CSNK1G1: variants seen among roughly 807,000 people sequenced by gnomAD.
The protein encoded by CSNK1G1 is casein kinase 1 gamma 1.
Under a neutral mutation model 59.6 loss-of-function variants are expected in CSNK1G1, and 22 were observed. The observed-to-expected ratio is 0.37, with a 90% confidence interval of 0.26 to 0.53. CSNK1G1 has a LOEUF of 0.53. CSNK1G1 is among the 20% of genes least tolerant of loss of function. The pLI is 0.89. For missense variants in CSNK1G1, 384 were observed against 519.5 expected, an observed-to-expected ratio of 0.74 and a Z score of 2.54; for synonymous variants, 179 against 177.1, an observed-to-expected ratio of 1.01 and a Z score of -0.08.
rs770545045 is a variant in CSNK1G1 at position 64,300,509 on chromosome 15, G to A, written c.-10C>T. The A allele has an allele frequency of 6.2e-7, 1 of 1,613,144 alleles. No homozygotes were observed. The highest frequency in any genetic ancestry group is 8.5e-7 in the Non-Finnish European group (1 of 1,179,384). Reference sequence around the variant, plus strand: ...TACTAGGATGGTCCATGATCCTACAGGACAGAGTCTCCTATAGTACAGCAA... The same window carrying A: ...TACTAGGATGGTCCATGATCCTACAAGACAGAGTCTCCTATAGTACAGCAA... On this transcript the variant is annotated 5_prime_UTR_variant, in exon 2 of 12. Coordinates refer to ENST00000303052, the MANE Select transcript of CSNK1G1 (RefSeq NM_022048.5).
chr15:64,334,043 G>C (rs1489800644), intron 1 of CSNK1G1, among the ~76,000 whole-genome samples: 1 of 152,084 alleles, frequency 6.6e-6, no homozygotes. Flanking sequence ...AAGAAACACT[G>C]GATTTAAACT....
At chr15:64,292,165 G>A (rs891618177) in intron 2 of CSNK1G1, among the ~76,000 whole-genome samples, 3 of 148,942 alleles carry the variant, frequency 2.0e-5, no homozygotes, top group East Asian at 2.0e-4. Flanking sequence ...AGCCAAGATC[G>A]AGCCACTGCA....
intron 2 of CSNK1G1, among the ~76,000 whole-genome samples, chr15:64,275,777 T>A (rs981130529): frequency 1.3e-5 from 2 of 152,128 alleles, no homozygotes; most frequent in African/African-American, 4.8e-5. Flanking sequence ...ATAAAAAGTA[T>A]CAGAGTACAT....
chr15:64,229,127 G>A (rs1359388807), intron 4 of CSNK1G1, among the ~76,000 whole-genome samples: 1 of 151,516 alleles, frequency 6.6e-6, no homozygotes, highest in East Asian at 1.9e-4. Context: ...ATTAATAGTA[G>A]TATAATAGTA....
chr15:64,274,438 A>G (rs913534984), intron 2 of CSNK1G1, among the ~76,000 whole-genome samples: 1 of 152,332 alleles, frequency 6.6e-6, no homozygotes, highest in South Asian at 2.1e-4. Context: ...AAGCATACCA[A>G]TAACTATGAG....
intron 1 of CSNK1G1, among the ~76,000 whole-genome samples, chr15:64,312,925 C>G (rs1896072561): frequency 6.6e-6 from 1 of 151,924 alleles, no homozygotes; most frequent in Admixed American, 6.6e-5. Context: ...AACAAACAAC[C>G]CCATCAAAAA....
chr15:64,301,823 G>A (rs1396759602), intron 1 of CSNK1G1, among the ~76,000 whole-genome samples: 1 of 152,060 alleles, frequency 6.6e-6, no homozygotes. Flanking sequence ...GGAGGTGGAG[G>A]TGGCAGTGAG....
chr15:64,334,631 T>A (rs1018714083), intron 1 of CSNK1G1, among the ~76,000 whole-genome samples: 1 of 152,142 alleles, frequency 6.6e-6, no homozygotes, highest in South Asian at 2.1e-4. Context: ...AAGGAGTGCA[T>A]AACCTACATC....
chr15:64,317,674 C>A (rs1034484893), intron 1 of CSNK1G1, among the ~76,000 whole-genome samples: 3 of 151,330 alleles, frequency 2.0e-5, no homozygotes, highest in Non-Finnish European at 4.4e-5. Context: ...TTTTTAAATT[C>A]TTTTGCAGAA....
intron 1 of CSNK1G1, among the ~76,000 whole-genome samples, chr15:64,332,767 A>C (rs1176097497): frequency 3.3e-5 from 5 of 151,974 alleles, no homozygotes; most frequent in African/African-American, 1.2e-4. Context: ...AAAATAATTT[A>C]AAATTTTTCT....
At chr15:64,310,965 A>G (rs1895962111) in intron 1 of CSNK1G1, among the ~76,000 whole-genome samples, 1 of 147,570 alleles carries the variant, frequency 6.8e-6, no homozygotes. Context: ...AGATCGCACC[A>G]CTGCACTCCA....
At chr15:64,223,333 C>T (rs1437727444) in intron 4 of CSNK1G1, among the ~76,000 whole-genome samples, 1 of 152,182 alleles carries the variant, frequency 6.6e-6, no homozygotes, top group Non-Finnish European at 1.5e-5. Context: ...GCTATGAAAT[C>T]CTTTAATGAG....
At chr15:64,228,320 C>G (rs1024970702) in intron 4 of CSNK1G1, among the ~76,000 whole-genome samples, 1 of 152,186 alleles carries the variant, frequency 6.6e-6, no homozygotes, top group Non-Finnish European at 1.5e-5. Context: ...CCAAACATAA[C>G]AGCAAACCAA....
chr15:64,315,007 T>C (rs1417393414), intron 1 of CSNK1G1, among the ~76,000 whole-genome samples: 1 of 152,240 alleles, frequency 6.6e-6, no homozygotes, highest in Non-Finnish European at 1.5e-5. Context: ...GTGGTATTGC[T>C]GGATCATGTA....
At chr15:64,220,727 T>G (rs1305903306) in intron 4 of CSNK1G1, among the ~76,000 whole-genome samples, 3 of 152,062 alleles carry the variant, frequency 2.0e-5, no homozygotes, top group Non-Finnish European at 4.4e-5. Flanking sequence ...TTTTTTTGTT[T>G]GTTTTTGGTA....
chr15:64,354,451 G>T (rs1898522240), intron 1 of CSNK1G1, among the ~76,000 whole-genome samples: 1 of 152,140 alleles, frequency 6.6e-6, no homozygotes, highest in South Asian at 2.1e-4. Flanking sequence ...ACACCAATAT[G>T]GTGTAGCTGA....
intron 1 of CSNK1G1, among the ~76,000 whole-genome samples, chr15:64,332,436 A>C (rs955033713): frequency 1.3e-3 from 186 of 138,112 alleles, no homozygotes; most frequent in Middle Eastern, 3.6e-3. Context: ...AAAAAACCAA[A>C]CACCGCATAT....
At chr15:64,343,512 A>C (rs1023229607) in intron 1 of CSNK1G1, among the ~76,000 whole-genome samples, 1 of 152,008 alleles carries the variant, frequency 6.6e-6, no homozygotes, top group African/African-American at 2.4e-5. Context: ...TTTTTGATTA[A>C]GTTTTCCCAA....
chr15:64,217,649 C>CT (rs542584198), intron 4 of CSNK1G1, among the ~76,000 whole-genome samples: 21 of 152,108 alleles, frequency 1.4e-4, no homozygotes, highest in Non-Finnish European at 2.9e-4. Context: ...GAAACTGTCT[C>CT]TACTGAAAAT....
Sources: allele counts gnomAD v4.1 joint callset (sites outside exome capture counted in the v4.1 genomes callset), GRCh38; gene constraint gnomAD v4.1.1; transcripts MANE v1.5; gene names NCBI Gene and HGNC (gene_info 2026-07-23, HGNC 2026-07-21).